The following KRT86 variants were observed in gnomAD, a reference collection of about 807,000 sequenced individuals.
KRT86 encodes keratin 86, also known as keratin, type II cuticular Hb6.
KRT86 carries 30 observed loss-of-function variants against 41.2 expected under a neutral mutation model. The ratio of observed to expected loss-of-function variants is 0.73; its 90% confidence interval spans 0.54 to 0.99. The LOEUF is 0.99. Among genes scored for constraint, KRT86 ranks in the 50% least tolerant of loss-of-function variants. The probability of loss-of-function intolerance (pLI) is 0.00; values close to 1 mark genes in which losing one functional copy is unlikely to be tolerated. For missense variants in KRT86, 561 were observed against 571.4 expected, an observed-to-expected ratio of 0.98 and a Z score of 0.19; for synonymous variants, 238 against 238.1, an observed-to-expected ratio of 1.00 and a Z score of 0.00.
At chr12:52,305,545 G>A in intron 7 of KRT86, 118 bp from the exon 8 acceptor site, 1 of 1,600,672 alleles carries the variant, frequency 6.2e-7, no homozygotes, top group Admixed American at 1.7e-5. Flanking sequence ...TGGTAGGGCA[G>A]GACTGCCATG....
rs570507692 is a variant in KRT86 at position 52,285,318 on chromosome 12, G to A, written c.-5+9372G>A. Among the ~76,000 whole-genome samples the A allele has an allele frequency of 1.5e-4, 22 of 151,278 alleles. No homozygotes were observed. In the East Asian group the frequency reaches 3.7e-3, roughly 25 times the overall value. On this transcript the variant is annotated intron_variant, in intron 2 of 10. Coordinates refer to ENST00000423955, the MANE Select transcript of KRT86 (RefSeq NM_001320198.2). Reference sequence around the variant, plus strand: ...GCTGTTTTCTGTCTTTGAGGAAAATGTATCAGCTGTGGCAGGTCTCCAAAA... The same window carrying A: ...GCTGTTTTCTGTCTTTGAGGAAAATATATCAGCTGTGGCAGGTCTCCAAAA...
chr12:52,308,158 T>C, intron 9 of KRT86, 75 bp from the exon 10 acceptor site: 3 of 1,594,530 alleles, frequency 1.9e-6, no homozygotes, highest in Non-Finnish European at 2.6e-6. Context: ...GGGCCACAGA[T>C]GTCCCCCTCC....
intron 2 of KRT86, among the ~76,000 whole-genome samples, chr12:52,294,691 T>A (rs900052690): frequency 3.9e-5 from 6 of 151,982 alleles, no homozygotes; most frequent in African/African-American, 1.4e-4. Flanking sequence ...AGAACATGTG[T>A]GTATTTCAGG....
chr12:52,286,297 G>A (rs1169309027), intron 2 of KRT86: 1 of 1,554,596 alleles, frequency 6.4e-7, no homozygotes, highest in Non-Finnish European at 8.7e-7. Context: ...CCACACCCAG[G>A]GAGCTGATAC....
chr12:52,301,945 G>T lies in KRT86; in HGVS notation c.29G>T (p.Arg10Leu). The T allele has an allele frequency of 6.2e-7, 1 of 1,613,778 alleles. No individual in the cohort carries two copies. The highest frequency in any genetic ancestry group is 2.2e-5 in the East Asian group (1 of 44,858). ...ACTTGTGGATCTTACTGTGGTGGCCGCGCCTTCAGCTGCATCTCGGCCTGC... is the reference window on the plus strand; with the variant it reads ...ACTTGTGGATCTTACTGTGGTGGCCTCGCCTTCAGCTGCATCTCGGCCTGC... MTCGSYCGGRAFSCISACGP... is the reference protein window; with the variant it reads MTCGSYCGGLAFSCISACGP... Residue 10 changes from arginine to leucine, a missense_variant, in exon 3 of 11, where the codon CGC (arginine) becomes CTC (leucine). Coordinates refer to ENST00000423955, the MANE Select transcript of KRT86 (RefSeq NM_001320198.2).
chr12:52,287,101 C>G, intron 2 of KRT86: 1 of 1,612,880 alleles, frequency 6.2e-7, no homozygotes, highest in Non-Finnish European at 8.5e-7. Flanking sequence ...GTTGGACCCA[C>G]CTCTGCTCCT....
At chr12:52,307,584 C>T (rs185482026) in intron 9 of KRT86, among the ~76,000 whole-genome samples, 50 of 152,266 alleles carry the variant, frequency 3.3e-4, no homozygotes, top group Admixed American at 3.1e-3. Flanking sequence ...GGGTGACAGC[C>T]CTGCCTTGTC....
intron 2 of KRT86, among the ~76,000 whole-genome samples, chr12:52,301,062 A>T (rs945735060): frequency 1.3e-5 from 2 of 152,010 alleles, no homozygotes; most frequent in Admixed American, 6.6e-5. Context: ...TGCTAGTTGA[A>T]TGTGCAGGTG....
At chr12:52,278,921 C>T (rs4761855) in intron 2 of KRT86, 40,715 of 151,976 alleles carry the variant, frequency 0.27, 6,058 homozygotes, top group East Asian at 0.39. Context: ...GGTCTGTTCT[C>T]TGGGGAGAGG....
In KRT86 at chr12:52,304,448, G is replaced by GGTTT. The variant is rs1264715530; in HGVS notation, c.639+277_639+278insGTTT. On this transcript the variant is annotated intron_variant, in intron 5 of 10. Transcript: ENST00000423955. ...GTTCCAGAGGTTGTGGTCTATTGCTGAGGCCCCTGGAGCCATAGCAGATAC... is the reference window on the plus strand; with the variant it reads ...GTTCCAGAGGTTGTGGTCTATTGCTGGTTTAGGCCCCTGGAGCCATAGCAGATAC... Among the ~76,000 whole-genome samples, 1,531 of 146,022 alleles carry GGTTT rather than the reference G, an allele frequency of 0.01. 24 individuals carry two copies. The highest frequency in any genetic ancestry group is 0.037 in the African/African-American group (1,430 of 38,760).
intron 2 of KRT86, among the ~76,000 whole-genome samples, chr12:52,292,242 A>G (rs909424928): frequency 1.3e-5 from 2 of 152,212 alleles, no homozygotes; most frequent in Non-Finnish European, 2.9e-5. Context: ...CAGTTGCCCA[A>G]TTATTTGAGT....
At chr12:52,287,263 A>G (rs372908259) in intron 2 of KRT86, 17 of 1,613,960 alleles carry the variant, frequency 1.1e-5, no homozygotes, top group South Asian at 5.5e-5. Context: ...AGCGGGCATC[A>G]CTGAGGGCCG....
chr12:52,298,152 C>A (rs1016766917), intron 2 of KRT86, among the ~76,000 whole-genome samples: 1 of 152,144 alleles, frequency 6.6e-6, no homozygotes, highest in Non-Finnish European at 1.5e-5. Flanking sequence ...TGGTGTGTTC[C>A]TTTGCCAAAG....
At chr12:52,301,708 A>G (rs1010987279) in intron 2 of KRT86, 1 of 445,432 alleles carries the variant, frequency 2.2e-6, no homozygotes, top group Non-Finnish European at 3.0e-6. Context: ...TCTGGGCACC[A>G]ATTAAGTACA....
chr12:52,305,153 G>A, intron 6 of KRT86, 87 bp from the exon 7 acceptor site: 5 of 1,610,230 alleles, frequency 3.1e-6, no homozygotes, highest in Non-Finnish European at 4.2e-6. Flanking sequence ...CAGGGTTGGG[G>A]ACCAGAGAAA....
At chr12:52,291,469 C>T (rs780179904) in intron 2 of KRT86, 2 of 1,612,644 alleles carry the variant, frequency 1.2e-6, no homozygotes, top group South Asian at 2.2e-5. Flanking sequence ...AGGTCATGAT[C>T]CTCCTGGACG....
rs147831729 is a variant in KRT86, at chr12:52,298,164, G to A, written c.-4-3749G>A. ...TGGTGGTGTGTTCCTTTGCCAAAGA[G>A]AAGAGATTCTCTTTGGACCTTCTCT... On this transcript the variant is annotated intron_variant, in intron 2 of 10. Transcript: ENST00000423955. Among the ~76,000 whole-genome samples, 252 of 152,314 alleles carry A rather than the reference G, an allele frequency of 1.7e-3. 1 individual carries two copies. Among genetic ancestry groups the A allele is most frequent in the African/African-American group, 5.8e-3 (242 of 41,580 alleles).
rs911043568 is a variant in KRT86 at position 52,288,360 on chromosome 12, C to T, written c.-5+12414C>T. 10 of 1,613,970 alleles carry T rather than the reference C, an allele frequency of 6.2e-6. No individual in the cohort carries two copies. The Admixed American group carries it at 8.3e-5, about 13-fold the overall frequency. ...TTTCTGTCTGGCCCCTGAGCCCGCA[C>T]CTCCTCATACAGCCGCCTCAGGAAG... On this transcript the variant is annotated intron_variant, in intron 2 of 10. Transcript: ENST00000423955.
intron 2 of KRT86, among the ~76,000 whole-genome samples, chr12:52,283,708 G>A (rs1034378671): frequency 7.2e-5 from 11 of 152,080 alleles, no homozygotes; most frequent in African/African-American, 2.7e-4. Context: ...TCAAACTCCT[G>A]ACCTCAGGTG....
Sources: gnomAD v4.1 joint callset for allele counts (sites outside exome capture counted in the v4.1 genomes callset) on GRCh38, gnomAD v4.1.1 for gene constraint, MANE v1.5 for transcripts, NCBI Gene and HGNC (gene_info 2026-07-23, HGNC 2026-07-21) for gene names.